AMBRA1: variants seen among roughly 807,000 people sequenced by gnomAD.
AMBRA1 encodes activating molecule in BECN1-regulated autophagy protein 1.
Under a neutral mutation model 125.4 loss-of-function variants are expected in AMBRA1, and 47 were observed. That is an observed-to-expected ratio of 0.37 (90% CI 0.30 to 0.48). The LOEUF (loss-of-function observed/expected upper bound fraction) is 0.48. AMBRA1 is among the 20% of genes least tolerant of loss of function. The probability of loss-of-function intolerance (pLI) is 0.99; values close to 1 mark genes in which losing one functional copy is unlikely to be tolerated. For missense variants in AMBRA1, 1,331 were observed against 1,693.4 expected (o/e 0.79, Z 3.76); for synonymous variants, 626 against 655.5 (o/e 0.95, Z 0.69).
intron 7 of AMBRA1, among the ~76,000 whole-genome samples, chr11:46,523,314 T>C (rs1951835378): frequency 6.6e-6 from 1 of 152,202 alleles, no homozygotes; most frequent in Non-Finnish European, 1.5e-5. Flanking sequence ...CCTTTTGGAC[T>C]CAACATTTGA....
chr11:46,544,593 T>C (rs1952909577), intron 5 of AMBRA1, among the ~76,000 whole-genome samples: 1 of 152,222 alleles, frequency 6.6e-6, no homozygotes, highest in Non-Finnish European at 1.5e-5. Flanking sequence ...AATTATGTGC[T>C]TACATCTCCA....
rs1945477096 is a variant in AMBRA1 at position 46,396,631 on chromosome 11, CTG to C, written c.*817_*818del. ...CACATGCAACACCTTAAATCACAGA[CTG>C]AGACCTCACATTCTGACCTGGAGTC... is the stretch of plus-strand genomic sequence containing the variant. On this transcript the variant is annotated 3_prime_UTR_variant, in exon 18 of 18. Transcript: ENST00000683756. 1 of 152,706 alleles carries C rather than the reference CTG, an allele frequency of 6.5e-6. No homozygotes were observed. The highest frequency in any genetic ancestry group is 2.1e-4 in the South Asian group (1 of 4,832). The allele number at this position is 152,706 out of a possible 1,614,324, so 9.5% of individuals were successfully genotyped here.
chr11:46,574,532 ATTTG>A (rs1203583470), intron 1 of AMBRA1, among the ~76,000 whole-genome samples: 1 of 151,590 alleles, frequency 6.6e-6, no homozygotes, highest in East Asian at 1.9e-4. Context: ...TTTCTTGTAA[ATTTG>A]TTTGAGTTCA....
rs779209113 is a variant in AMBRA1, at chr11:46,548,234, C to T, written c.135+12G>A. On this transcript the variant is annotated intron_variant, in intron 2 of 17. Coordinates refer to ENST00000683756, the MANE Select transcript of AMBRA1 (RefSeq NM_001387011.1). ...GCACAAATCCTATGTGAAATATAGC[C>T]ATTTTCCTTACCTTGCCCTCCCATT... 15 of 1,613,948 alleles carry T rather than the reference C, an allele frequency of 9.3e-6. No homozygotes were observed. In the African/African-American group the frequency reaches 1.6e-4, roughly 17 times the overall value.
At chr11:46,443,384 G>T in intron 12 of AMBRA1, 104 bp downstream of exon 12, 2 of 851,672 alleles carry the variant, frequency 2.3e-6, no homozygotes, top group Non-Finnish European at 3.9e-6. Context: ...GATAACAACT[G>T]CTCAATAGGA....
At chr11:46,425,568 G>A (rs1472017097) in intron 14 of AMBRA1, among the ~76,000 whole-genome samples, 3 of 152,036 alleles carry the variant, frequency 2.0e-5, no homozygotes, top group East Asian at 1.9e-4. Flanking sequence ...GAGGCTGGGC[G>A]CGGTAGCTCA....
At chr11:46,435,719 C>A (rs975411253) in intron 12 of AMBRA1, among the ~76,000 whole-genome samples, 1 of 152,232 alleles carries the variant, frequency 6.6e-6, no homozygotes, top group Non-Finnish European at 1.5e-5. Context: ...CCCTAGTCTG[C>A]ACTTTGCAGC....
intron 7 of AMBRA1, among the ~76,000 whole-genome samples, chr11:46,517,666 C>G (rs552626513): frequency 3.9e-4 from 59 of 149,444 alleles, no homozygotes; most frequent in Admixed American, 7.3e-4. Flanking sequence ...AACCATGTCT[C>G]TACTAAAAAT....
At chr11:46,516,815 G>C (rs1356693787) in intron 7 of AMBRA1, among the ~76,000 whole-genome samples, 1 of 152,108 alleles carries the variant, frequency 6.6e-6, no homozygotes, top group Non-Finnish European at 1.5e-5. Context: ...TGCGATGGCA[G>C]TTCTGCACAT....
Position 46,589,689 on chromosome 11 carries a change from G to C in AMBRA1, c.-121+4139C>G, listed in dbSNP as rs61882757. Reference sequence around the variant, plus strand: ...GGCTGGAGTGCAGTGGTGCTAACTCGGCTAACTGCAAGCTCCGCCTACCGG... The same window carrying C: ...GGCTGGAGTGCAGTGGTGCTAACTCCGCTAACTGCAAGCTCCGCCTACCGG... On this transcript the variant is annotated intron_variant, in intron 1 of 17. Coordinates refer to ENST00000683756, the MANE Select transcript of AMBRA1 (RefSeq NM_001387011.1). Among the ~76,000 whole-genome samples the C allele has an allele frequency of 4.6e-5, 7 of 151,682 alleles. No individual in the cohort carries two copies. The South Asian group carries it at 8.3e-4, about 18-fold the overall frequency.
intron 12 of AMBRA1, among the ~76,000 whole-genome samples, chr11:46,441,002 T>A (rs1391690801): frequency 2.6e-5 from 4 of 152,336 alleles, no homozygotes; most frequent in African/African-American, 4.8e-5. Flanking sequence ...CACAGTAATG[T>A]ACTACAAGGT....
At chr11:46,502,148 C>T (rs1025152420) in intron 9 of AMBRA1, among the ~76,000 whole-genome samples, 2 of 152,038 alleles carry the variant, frequency 1.3e-5, no homozygotes, top group African/African-American at 4.8e-5. Context: ...GGCATAATCT[C>T]GGCTCACTGC....
At chr11:46,504,209 T>C (rs1950947915) in intron 9 of AMBRA1, among the ~76,000 whole-genome samples, 2 of 152,166 alleles carry the variant, frequency 1.3e-5, no homozygotes, top group Admixed American at 1.3e-4. Flanking sequence ...TCTGGAATTA[T>C]AATTACATTT....
chr11:46,578,012 TC>T (rs1305365666), intron 1 of AMBRA1, among the ~76,000 whole-genome samples: 1 of 152,064 alleles, frequency 6.6e-6, no homozygotes, highest in East Asian at 1.9e-4. Flanking sequence ...GTACCTGTAA[TC>T]CAGCTACTTG....
At chr11:46,447,427 T>C (rs1004242256) in intron 11 of AMBRA1, among the ~76,000 whole-genome samples, 2 of 151,956 alleles carry the variant, frequency 1.3e-5, no homozygotes, top group African/African-American at 4.8e-5. Context: ...CTCAGTTACT[T>C]GGGATGCTGA....
intron 17 of AMBRA1, among the ~76,000 whole-genome samples, chr11:46,404,581 G>A (rs2136597937): frequency 6.6e-6 from 1 of 152,304 alleles, no homozygotes; most frequent in African/African-American, 2.4e-5. Context: ...ACAGCTGTGG[G>A]TACAGGGTAT....
chr11:46,400,473 G>GTTTTTTTTTTT lies in AMBRA1; in HGVS notation c.3404-2541_3404-2531dup, dbSNP rs553040136. 1.5e-3 allele frequency among the ~76,000 whole-genome samples: 74 copies of GTTTTTTTTTTT among 48,888 alleles called. 20 individuals are homozygous for GTTTTTTTTTTT. Among genetic ancestry groups the GTTTTTTTTTTT allele is most frequent in the African/African-American group, 3.0e-3 (46 of 15,490 alleles). 32.1% of individuals were successfully genotyped at this position (48,888 alleles called of 152,430 possible). ...CCTCATGCTTCTAGTTCTTTCTATA[G>GTTTTTTTTTTT]TTTTTTTTTTTTTTTTTTTTTTTTT... is the stretch of plus-strand genomic sequence containing the variant. On this transcript the variant is annotated intron_variant, in intron 17 of 17. Coordinates refer to ENST00000683756, the MANE Select transcript of AMBRA1 (RefSeq NM_001387011.1).
At chr11:46,593,330 A>G (rs575532602) in intron 1 of AMBRA1, among the ~76,000 whole-genome samples, 1 of 152,310 alleles carries the variant, frequency 6.6e-6, no homozygotes, top group Non-Finnish European at 1.5e-5. Context: ...CCCAGACATC[A>G]GCCTCAGTTT....
chr11:46,507,991 G>C (rs531450929), intron 9 of AMBRA1, among the ~76,000 whole-genome samples, 200 bp downstream of exon 9: 1 of 152,344 alleles, frequency 6.6e-6, no homozygotes, highest in African/African-American at 2.4e-5. Context: ...GCGCGCCAGT[G>C]AATCAGCAAA....
Sources: gnomAD v4.1 joint callset for allele counts (sites outside exome capture counted in the v4.1 genomes callset) on GRCh38, gnomAD v4.1.1 for gene constraint, MANE v1.5 for transcripts, NCBI Gene and HGNC (gene_info 2026-07-23, HGNC 2026-07-21) for gene names.